The following PID1 variants were observed in gnomAD, a reference collection of about 807,000 sequenced individuals.
PID1 encodes phosphotyrosine interaction domain containing 1.
In PID1, 10 loss-of-function variants were observed where a neutral mutation model predicts 19.1. The observed-to-expected ratio is 0.52, with a 90% confidence interval of 0.32 to 0.89. The LOEUF (loss-of-function observed/expected upper bound fraction) is 0.89. Ranked by LOEUF, PID1 falls within the 40% of genes least tolerant of loss-of-function variation. PID1 has a pLI of 0.03. For missense variants in PID1, 248 were observed against 285.3 expected (o/e 0.87, Z 0.94); for synonymous variants, 130 against 116.0 (o/e 1.12, Z -0.78).
At chr2:229,027,390 C>T (rs781456788) in intron 2 of PID1, among the ~76,000 whole-genome samples, 6 of 152,086 alleles carry the variant, frequency 3.9e-5, no homozygotes, top group South Asian at 2.1e-4. Flanking sequence ...CGAATATCCA[C>T]GGGAAAGAAA....
intron 2 of PID1, among the ~76,000 whole-genome samples, chr2:229,063,673 C>G (rs974610836): frequency 1.3e-5 from 2 of 151,948 alleles, no homozygotes; most frequent in African/African-American, 4.8e-5. Context: ...TCCACTGTTT[C>G]CCTGTTGATT....
intron 1 of PID1, among the ~76,000 whole-genome samples, chr2:229,202,645 G>A (rs1450906654): frequency 6.6e-6 from 1 of 152,050 alleles, no homozygotes; most frequent in African/African-American, 2.4e-5. Context: ...TATAATATAA[G>A]CTAAATCTTC....
intron 2 of PID1, among the ~76,000 whole-genome samples, chr2:229,099,905 C>T (rs1000484453): frequency 1.6e-4 from 25 of 152,228 alleles, no homozygotes; most frequent in African/African-American, 6.0e-4. Context: ...TGTGTCCCTC[C>T]AAAATTCATA....
chr2:229,203,903 A>G (rs979253667), intron 1 of PID1, among the ~76,000 whole-genome samples: 1 of 152,076 alleles, frequency 6.6e-6, no homozygotes, highest in Non-Finnish European at 1.5e-5. Context: ...GCCAAATCCA[A>G]CTGTTTGCTT....
At chr2:229,206,530 T>C (rs745896244) in intron 1 of PID1, among the ~76,000 whole-genome samples, 2 of 152,164 alleles carry the variant, frequency 1.3e-5, no homozygotes, top group African/African-American at 2.4e-5. Context: ...CAAAACACAT[T>C]GGATAAGCAC....
chr2:229,063,401 G>T (rs1694255616), intron 2 of PID1, among the ~76,000 whole-genome samples: 1 of 152,040 alleles, frequency 6.6e-6, no homozygotes, highest in African/African-American at 2.4e-5. Flanking sequence ...TGAGGAGCAT[G>T]TTGTTTAATT....
intron 2 of PID1, among the ~76,000 whole-genome samples, chr2:229,103,812 C>T (rs898758072): frequency 8.6e-5 from 13 of 151,998 alleles, no homozygotes; most frequent in African/African-American, 2.9e-4. Flanking sequence ...CTCCTGACCT[C>T]GTGATCCACC....
chr2:229,164,990 G>C (rs1473374905), intron 1 of PID1, among the ~76,000 whole-genome samples: 1 of 152,226 alleles, frequency 6.6e-6, no homozygotes, highest in Non-Finnish European at 1.5e-5. Flanking sequence ...GAAAGAATAA[G>C]AGGTTAGAGT....
chr2:229,051,367 T>C (rs1034860640), intron 2 of PID1, among the ~76,000 whole-genome samples: 1 of 152,212 alleles, frequency 6.6e-6, no homozygotes, highest in Non-Finnish European at 1.5e-5. Context: ...AGACAGGGTC[T>C]TACTCTGTTG....
intron 2 of PID1, among the ~76,000 whole-genome samples, chr2:229,153,505 G>T (rs956291730): frequency 1.3e-5 from 2 of 152,088 alleles, no homozygotes; most frequent in African/African-American, 4.8e-5. Context: ...AATCATTGTC[G>T]ATTTCCTTTG....
intron 1 of PID1, among the ~76,000 whole-genome samples, chr2:229,177,162 T>C (rs1356682266): frequency 6.6e-6 from 1 of 152,116 alleles, no homozygotes; most frequent in East Asian, 1.9e-4. Flanking sequence ...CCCACCCCCA[T>C]GATTCAATTA....
At chr2:229,143,167 AG>A (rs1690053672) in intron 2 of PID1, among the ~76,000 whole-genome samples, 1 of 138,978 alleles carries the variant, frequency 7.2e-6, no homozygotes, top group African/African-American at 2.7e-5. Context: ...GGACACAGGA[AG>A]GGGAACATCA....
At chr2:229,160,744 T>G (rs1690476572) in intron 1 of PID1, among the ~76,000 whole-genome samples, 1 of 152,156 alleles carries the variant, frequency 6.6e-6, no homozygotes, top group Non-Finnish European at 1.5e-5. Flanking sequence ...AACGGGTACC[T>G]TCAATGGCTT....
At chr2:229,231,591 T>C (rs1692208570) in intron 1 of PID1, among the ~76,000 whole-genome samples, 1 of 152,086 alleles carries the variant, frequency 6.6e-6, no homozygotes, top group Non-Finnish European at 1.5e-5. Flanking sequence ...GAGACATCTG[T>C]CCAAGATCAC....
At chr2:229,108,763 G>A (rs922889675) in intron 2 of PID1, among the ~76,000 whole-genome samples, 3 of 152,174 alleles carry the variant, frequency 2.0e-5, no homozygotes, top group Non-Finnish European at 4.4e-5. Context: ...GATCCCTGTT[G>A]TCTAAGGAGC....
chr2:229,068,262 G>A (rs1413434090), intron 2 of PID1, among the ~76,000 whole-genome samples: 2 of 152,170 alleles, frequency 1.3e-5, no homozygotes, highest in Non-Finnish European at 1.5e-5. Context: ...GTGGCCTGGT[G>A]TGTTGGGAAA....
At chr2:229,129,474 A>G (rs1689673727) in intron 2 of PID1, among the ~76,000 whole-genome samples, 1 of 151,980 alleles carries the variant, frequency 6.6e-6, no homozygotes, top group African/African-American at 2.4e-5. Flanking sequence ...ATCAGCAATC[A>G]CAGCTACTTT....
intron 2 of PID1, among the ~76,000 whole-genome samples, chr2:229,083,822 T>A (rs766562233): frequency 6.6e-6 from 1 of 152,158 alleles, no homozygotes; most frequent in African/African-American, 2.4e-5. Context: ...TCACGTGCAA[T>A]AGCTCAAAAC....
chr2:229,197,517 G>T (rs140032175), intron 1 of PID1, among the ~76,000 whole-genome samples: 2 of 151,712 alleles, frequency 1.3e-5, no homozygotes, highest in East Asian at 1.9e-4. Context: ...TTATGTAATC[G>T]CATATTATGA....
Sources: gnomAD v4.1 joint callset for allele counts (sites outside exome capture counted in the v4.1 genomes callset) on GRCh38, gnomAD v4.1.1 for gene constraint, MANE v1.5 for transcripts, NCBI Gene and HGNC (gene_info 2026-07-23, HGNC 2026-07-21) for gene names.